Variants in SLC36A3 observed in about 807,000 individuals in gnomAD.
The protein encoded by SLC36A3 is solute carrier family 36 member 3, also known as proton-coupled amino acid transporter 3.
Under a neutral mutation model 44.3 loss-of-function variants are expected in SLC36A3, and 35 were observed. The ratio of observed to expected loss-of-function variants is 0.79; its 90% CI spans 0.60 to 1.05. SLC36A3 has a LOEUF of 1.05. Ranked by LOEUF, SLC36A3 falls within the 50% of genes least tolerant of loss-of-function variation. The pLI is 0.00. For missense variants in SLC36A3, 540 were observed against 578.7 expected, an observed-to-expected ratio of 0.93 and a Z score of 0.69; for synonymous variants, 211 against 227.6, an observed-to-expected ratio of 0.93 and a Z score of 0.66.
At chr5:151,286,916 C>T (rs181900699) in intron 6 of SLC36A3, among the ~76,000 whole-genome samples, 4 of 152,204 alleles carry the variant, frequency 2.6e-5, no homozygotes, top group Non-Finnish European at 4.4e-5. Flanking sequence ...AGAGCAGGCA[C>T]CCTATTTATT....
At chr5:151,287,676 C>T (rs756265307) in intron 5 of SLC36A3, among the ~76,000 whole-genome samples, 1 of 152,110 alleles carries the variant, frequency 6.6e-6, no homozygotes, top group Non-Finnish European at 1.5e-5. Flanking sequence ...ATTGGGCAAC[C>T]CTGTCGGGCC....
intron 9 of SLC36A3, among the ~76,000 whole-genome samples, chr5:151,280,108 A>C (rs2127252696): frequency 6.6e-6 from 1 of 152,208 alleles, no homozygotes; most frequent in Admixed American, 6.5e-5. Flanking sequence ...TGAATGAATG[A>C]ATTGAAAGGA....
At chr5:151,283,558 C>G (rs1225737051) in intron 8 of SLC36A3, among the ~76,000 whole-genome samples, 2 of 152,192 alleles carry the variant, frequency 1.3e-5, no homozygotes, top group Non-Finnish European at 2.9e-5. Context: ...CTCATCTAGT[C>G]ATTATCATAA....
chr5:151,293,184 G>A (rs6879475), intron 4 of SLC36A3, among the ~76,000 whole-genome samples, 180 bp downstream of exon 4: 23,874 of 152,150 alleles, frequency 0.16, 2,431 homozygotes, highest in African/African-American at 0.29. Context: ...TACTAACTAG[G>A]TTTCAATGAT....
At chr5:151,277,856 A>T (rs781670053) in intron 9 of SLC36A3, among the ~76,000 whole-genome samples, 195 bp from the exon 10 acceptor site, 1 of 151,980 alleles carries the variant, frequency 6.6e-6, no homozygotes, top group Non-Finnish European at 1.5e-5. Context: ...TTTATATTTT[A>T]TCTACTGGAT....
Position 151,303,345 on chromosome 5 carries a change from G to A in SLC36A3, c.10C>T (p.Leu4Phe), listed in dbSNP as rs908737649. 1.2e-6 allele frequency: 2 copies of A among 1,613,444 alleles called. No homozygotes were observed. Among genetic ancestry groups the A allele is most frequent in the African/African-American group, 2.7e-5 (2 of 75,026 alleles). MSL[L>F]GRDYNSELNS... is the part of the protein sequence containing the mutation. Reference sequence around the variant, plus strand: ...AGCTCACTGTTGTAGTCCCTTCCAAGCAATGACATCTTCAACACGGTGGGT... The same window carrying A: ...AGCTCACTGTTGTAGTCCCTTCCAAACAATGACATCTTCAACACGGTGGGT... The change falls in exon 1 of 10, where the codon CTT becomes TTT. Residue 4 changes from leucine to phenylalanine, a missense_variant. Coordinates refer to ENST00000335230, the MANE Select transcript of SLC36A3 (RefSeq NM_181774.4).
At chr5:151,302,454 C>A (rs956273248) in intron 1 of SLC36A3, among the ~76,000 whole-genome samples, 5 of 151,900 alleles carry the variant, frequency 3.3e-5, no homozygotes, top group African/African-American at 1.2e-4. Context: ...CAGTATACTC[C>A]GCAAACTAAC....
chr5:151,293,252 T>C, intron 4 of SLC36A3, 112 bp downstream of exon 4: 1 of 888,340 alleles, frequency 1.1e-6, no homozygotes, highest in South Asian at 1.8e-5. Flanking sequence ...TTCTCTCTAT[T>C]GTTTGATAGT....
At chr5:151,300,533 C>G (rs991606515) in intron 1 of SLC36A3, among the ~76,000 whole-genome samples, 9 of 152,108 alleles carry the variant, frequency 5.9e-5, no homozygotes, top group Non-Finnish European at 1.2e-4. Flanking sequence ...GTCCCATTTC[C>G]CACCCTCTGC....
Position 151,284,111 on chromosome 5 carries a change from T to TC in SLC36A3, c.906dup (p.Thr303AspfsTer49), listed in dbSNP as rs751145704. ...GACCCAAACTTCATGTAGCCCAGTG[T>TC]CCCCAGTAAGATATAGAGGATGATG... On this transcript the variant is annotated frameshift_variant, in exon 8 of 10. Coordinates refer to ENST00000335230, the MANE Select transcript of SLC36A3 (RefSeq NM_181774.4). LOFTEE classifies it high-confidence loss of function. 1 of 1,613,902 alleles carries TC rather than the reference T, an allele frequency of 6.2e-7. No homozygotes were observed. The highest frequency in any genetic ancestry group is 8.5e-7 in the Non-Finnish European group (1 of 1,180,010).
At position 151,298,460 on chromosome 5, in the gene SLC36A3, G is replaced by A. The variant is rs184268830; in HGVS notation, c.219+133C>T. ...CCCAGGTTGACTCCAGGGGATTGAT[G>A]CCAACAGGCACATTTTCAATTGCAG... On this transcript the variant is annotated intron_variant, in intron 2 of 9. Coordinates refer to ENST00000335230, the MANE Select transcript of SLC36A3 (RefSeq NM_181774.4). 1,163 of 827,032 alleles carry A rather than the reference G, an allele frequency of 1.4e-3. 22 individuals are homozygous for A. The highest frequency in any genetic ancestry group is 4.0e-4 in the Non-Finnish European group (206 of 518,922). The allele number at this position is 827,032 out of a possible 1,614,324, so 51.2% of individuals were successfully genotyped here. A position where few individuals can be genotyped will look rare whatever the true frequency, so the allele number is the denominator to read the frequency against.
intron 1 of SLC36A3, among the ~76,000 whole-genome samples, chr5:151,299,264 C>CTATATATATATATATATA (rs66776978): frequency 1.0e-4 from 6 of 59,648 alleles, no homozygotes; most frequent in East Asian, 1.2e-3. Context: ...CTCTCTCTCT[C>CTATATATATATATATATA]TATATATATA....
intron 8 of SLC36A3, among the ~76,000 whole-genome samples, chr5:151,283,803 T>C (rs886936480): frequency 6.6e-6 from 1 of 152,250 alleles, no homozygotes; most frequent in Non-Finnish European, 1.5e-5. Context: ...AGCACAGCAG[T>C]TATTTGTGCT....
chr5:151,298,803 G>A (rs568756916), intron 1 of SLC36A3, 120 bp from the exon 2 acceptor site: 1 of 861,528 alleles, frequency 1.2e-6, no homozygotes, highest in Admixed American at 2.1e-5. Context: ...AAAACCTGAT[G>A]AGGTGGACTT....
chr5:151,298,873 G>T (rs1186911178), intron 1 of SLC36A3, among the ~76,000 whole-genome samples, 190 bp from the exon 2 acceptor site: 1 of 152,178 alleles, frequency 6.6e-6, no homozygotes, highest in African/African-American at 2.4e-5. Flanking sequence ...GATGGTGCTA[G>T]TTCAAGTGAC....
At chr5:151,281,289 C>G (rs1428746821) in intron 8 of SLC36A3, 106 bp from the exon 9 acceptor site, 8 of 1,155,246 alleles carry the variant, frequency 6.9e-6, no homozygotes, top group Non-Finnish European at 9.8e-6. Context: ...ATCCCTAATC[C>G]AAAACAAAAT....
chr5:151,298,971 A>C (rs1449391382), intron 1 of SLC36A3, among the ~76,000 whole-genome samples: 1 of 152,136 alleles, frequency 6.6e-6, no homozygotes, highest in Non-Finnish European at 1.5e-5. Context: ...TTGGTTCATT[A>C]ATTCATCCAG....
chr5:151,288,721 A>G (rs1049071813), intron 4 of SLC36A3, among the ~76,000 whole-genome samples: 3 of 151,348 alleles, frequency 2.0e-5, no homozygotes, highest in Non-Finnish European at 4.4e-5. Flanking sequence ...TATAATATAT[A>G]TGTATATATA....
intron 6 of SLC36A3, among the ~76,000 whole-genome samples, chr5:151,285,073 G>T (rs566821419): frequency 6.6e-6 from 1 of 152,028 alleles, no homozygotes; most frequent in African/African-American, 2.4e-5. Context: ...GGCACCCCCT[G>T]CTCTACTATC....
Sources: allele counts gnomAD v4.1 joint callset (sites outside exome capture counted in the v4.1 genomes callset), GRCh38; gene constraint gnomAD v4.1.1; transcripts MANE v1.5; gene names NCBI Gene and HGNC (gene_info 2026-07-23, HGNC 2026-07-21).